The following WWC1 variants were observed in gnomAD, a reference collection of about 807,000 sequenced individuals.
WWC1 encodes protein KIBRA.
A neutral mutation model predicts 138.4 loss-of-function variants in WWC1; 55 were observed. That is an observed-to-expected ratio of 0.40 (90% CI 0.32 to 0.50). The LOEUF is 0.50. Among genes scored for constraint, WWC1 ranks in the 20% least tolerant of loss-of-function variants. The pLI, the probability that WWC1 is intolerant of heterozygous loss-of-function variation, is 0.72. For missense variants in WWC1, 1,226 were observed against 1,420.4 expected (o/e 0.86, Z 2.20); for synonymous variants, 524 against 564.9 (o/e 0.93, Z 1.03).
chr5:168,414,286 G>A, intron 8 of WWC1, 62 bp from the exon 9 acceptor site: 3 of 1,574,748 alleles, frequency 1.9e-6, no homozygotes, highest in Middle Eastern at 1.8e-4. Context: ...TTTCTTCATG[G>A]CATCTCCTGT....
At position 168,332,315 on chromosome 5, in the gene WWC1, G is replaced by C. The variant is rs143959941; in HGVS notation, c.120-39109G>C. Among the ~76,000 whole-genome samples the C allele has an allele frequency of 4.5e-3, 686 of 152,210 alleles. 5 individuals are homozygous for C. The highest frequency in any genetic ancestry group is 7.3e-3 in the Non-Finnish European group (497 of 68,010). On this transcript the variant is annotated intron_variant, in intron 1 of 22. Transcript: ENST00000265293. The stretch of plus-strand genomic sequence containing the variant: ...ACTTCCTTGTCATACATGGAAAAGA[G>C]AGTCATATAATAAAGGCCATATCTA...
intron 14 of WWC1, 136 bp from the exon 15 acceptor site, chr5:168,431,105 TATAGGGGCCTG>T: frequency 2.9e-6 from 2 of 693,808 alleles, no homozygotes; most frequent in Non-Finnish European, 4.8e-6. Context: ...CCTTCCAGTG[TATAGGGGCCTG>T]ATTCCCCAGA....
intron 9 of WWC1, among the ~76,000 whole-genome samples, chr5:168,419,313 G>T (rs1212993748): frequency 1.3e-5 from 2 of 151,978 alleles, no homozygotes; most frequent in Non-Finnish European, 2.9e-5. Context: ...TCCATGGAAG[G>T]TATAATAATA....
chr5:168,389,466 G>A (rs199506500), intron 3 of WWC1, among the ~76,000 whole-genome samples: 11 of 143,218 alleles, frequency 7.7e-5, no homozygotes, highest in East Asian at 2.0e-4. Context: ...AAAAAAAAAA[G>A]AAAGAAAAAA....
At chr5:168,407,316 C>A (rs1779870687) in intron 6 of WWC1, among the ~76,000 whole-genome samples, 1 of 149,398 alleles carries the variant, frequency 6.7e-6, no homozygotes. Context: ...TTATCCCCAT[C>A]CTACAGAAAA....
chr5:168,327,641 C>T (rs1460227479), intron 1 of WWC1, among the ~76,000 whole-genome samples: 1 of 152,186 alleles, frequency 6.6e-6, no homozygotes, highest in Non-Finnish European at 1.5e-5. Flanking sequence ...AGTAAATGCC[C>T]AGGGGCTCTG....
intron 1 of WWC1, among the ~76,000 whole-genome samples, chr5:168,300,772 C>T (rs752421743): frequency 8.4e-4 from 128 of 152,150 alleles, no homozygotes; most frequent in Non-Finnish European, 1.6e-3. Context: ...TGGCTTCCTC[C>T]CCGCCCAGTG....
rs201213043 is a variant in WWC1, at chr5:168,424,926, T to C, written c.1810+858T>C. ...GAATCTTCAAAATAGAAGATGATGC[T>C]GACATTGACAGCTAAGATTTATTAG... On this transcript the variant is annotated intron_variant, in intron 11 of 22. Coordinates refer to ENST00000265293, the MANE Select transcript of WWC1 (RefSeq NM_015238.3). Among the ~76,000 whole-genome samples, 23 of 152,352 alleles carry C rather than the reference T, an allele frequency of 1.5e-4. No individual in the cohort carries two copies. In the East Asian group the frequency reaches 3.3e-3, roughly 22 times the overall value.
chr5:168,454,827 C>A (rs1039874718), intron 18 of WWC1, among the ~76,000 whole-genome samples: 1 of 152,208 alleles, frequency 6.6e-6, no homozygotes, highest in Non-Finnish European at 1.5e-5. Flanking sequence ...GACAAAGGTC[C>A]TGCATGTAGG....
intron 1 of WWC1, among the ~76,000 whole-genome samples, chr5:168,352,191 C>T (rs1295162803): frequency 6.6e-6 from 1 of 152,186 alleles, no homozygotes; most frequent in African/African-American, 2.4e-5. Context: ...CTCTTGGCTT[C>T]TCAAGCTTTC....
intron 1 of WWC1, among the ~76,000 whole-genome samples, chr5:168,366,964 A>AT (rs1776345992): frequency 5.9e-5 from 9 of 151,304 alleles, no homozygotes; most frequent in Admixed American, 2.6e-4. Context: ...TGCCCAGCTA[A>AT]TTTTTGTATT....
rs192512002 is a variant in WWC1 at position 168,326,513 on chromosome 5, G to A, written c.119+34242G>A. On this transcript the variant is annotated intron_variant, in intron 1 of 22. Transcript: ENST00000265293. ...ATTACAGGCATGAGCCACCGTGCCCGGCCCCGACTTGATAGTGTTATTTGT... is the reference window on the plus strand; with the variant it reads ...ATTACAGGCATGAGCCACCGTGCCCAGCCCCGACTTGATAGTGTTATTTGT... Among the ~76,000 whole-genome samples the A allele has an allele frequency of 6.3e-3, 951 of 151,712 alleles. 8 individuals carry two copies. Among genetic ancestry groups the A allele is most frequent in the African/African-American group, 0.022 (899 of 41,312 alleles).
chr5:168,436,614 ACCTTTCATCCTGTGTCTCCGCTGT>A (rs1292267773), intron 15 of WWC1, among the ~76,000 whole-genome samples: 1 of 152,064 alleles, frequency 6.6e-6, no homozygotes, highest in African/African-American at 2.4e-5. Flanking sequence ...AATGCCCCTG[ACCTTTCATCCTGTGTCTCCGCTGT>A]CTCAGCCGAT....
intron 1 of WWC1, among the ~76,000 whole-genome samples, chr5:168,338,150 A>C (rs182404757): frequency 6.6e-6 from 1 of 151,940 alleles, no homozygotes; most frequent in East Asian, 2.0e-4. Flanking sequence ...ATCTCTACTA[A>C]AAATACAAAA....
At chr5:168,387,254 G>T (rs564787269) in intron 3 of WWC1, among the ~76,000 whole-genome samples, 1 of 152,270 alleles carries the variant, frequency 6.6e-6, no homozygotes, top group Non-Finnish European at 1.5e-5. Flanking sequence ...GGTGGCCATG[G>T]CTGGGTTGGG....
At chr5:168,406,882 C>T (rs915180611) in intron 6 of WWC1, among the ~76,000 whole-genome samples, 1 of 152,102 alleles carries the variant, frequency 6.6e-6, no homozygotes, top group African/African-American at 2.4e-5. Context: ...GTGGAGCTTG[C>T]AGTGAGCCGA....
At chr5:168,425,657 A>G (rs889848423) in intron 11 of WWC1, among the ~76,000 whole-genome samples, 2 of 127,078 alleles carry the variant, frequency 1.6e-5, no homozygotes, top group Non-Finnish European at 3.2e-5. Context: ...ATGCCTGGCT[A>G]ATTTTTTTTT....
rs201934771 is a variant in WWC1, at chr5:168,442,858, G to GA, written c.2433+1032dup. On this transcript the variant is annotated intron_variant, in intron 16 of 22. Transcript: ENST00000265293. ...TCTCAGAAAAAAAAAAAAAAGAAAAGAAAAAAAAGCTTATATTTGCTTATT... is the reference window on the plus strand; with the variant it reads ...TCTCAGAAAAAAAAAAAAAAGAAAAGAAAAAAAAAGCTTATATTTGCTTATT... 5.5e-3 allele frequency among the ~76,000 whole-genome samples: 817 copies of GA among 148,960 alleles called. 9 individuals are homozygous for GA. The highest frequency in any genetic ancestry group is 0.019 in the African/African-American group (783 of 40,696).
chr5:168,374,426 T>A (rs1046359845), intron 2 of WWC1, among the ~76,000 whole-genome samples: 2 of 142,718 alleles, frequency 1.4e-5, no homozygotes, highest in South Asian at 5.3e-4. Flanking sequence ...ACAATGAGAT[T>A]TGAGCTAAGA....
Sources: allele counts gnomAD v4.1 joint callset (sites outside exome capture counted in the v4.1 genomes callset), GRCh38; gene constraint gnomAD v4.1.1; transcripts MANE v1.5; gene names NCBI Gene and HGNC (gene_info 2026-07-23, HGNC 2026-07-21).